TMCC1: variants seen among roughly 807,000 people sequenced by gnomAD.
The protein encoded by TMCC1 is transmembrane and coiled-coil domain family 1, also known as transmembrane and coiled-coil domains protein 1.
A neutral mutation model predicts 52.4 loss-of-function variants in TMCC1; 15 were observed. The ratio of observed to expected loss-of-function variants is 0.29; its 90% CI spans 0.19 to 0.44. TMCC1 has a LOEUF of 0.44. TMCC1 is among the 20% of genes least tolerant of loss of function. The pLI, the probability that TMCC1 is intolerant of heterozygous loss-of-function variation, is 1.00. For synonymous variants in TMCC1, 279 were observed against 301.9 expected, an observed-to-expected ratio of 0.92 and a Z score of 0.79; for missense variants, 503 against 806.0, an observed-to-expected ratio of 0.62 and a Z score of 4.55.
chr3:129,773,086 T>A (rs1391531000), intron 4 of TMCC1, among the ~76,000 whole-genome samples: 1 of 152,100 alleles, frequency 6.6e-6, no homozygotes, highest in Non-Finnish European at 1.5e-5. Flanking sequence ...ATAGTATTTG[T>A]AAACATAAAA....
chr3:129,872,051 A>G (rs143261165), intron 2 of TMCC1, among the ~76,000 whole-genome samples: 179 of 152,344 alleles, frequency 1.2e-3, no homozygotes, highest in African/African-American at 3.7e-3. Context: ...AATTTTGAAA[A>G]TATCTGTTAA....
chr3:129,668,824 C>T (rs1182451105), intron 5 of TMCC1, among the ~76,000 whole-genome samples: 2 of 152,120 alleles, frequency 1.3e-5, no homozygotes, highest in African/African-American at 4.8e-5. Context: ...AAGGTTTCTC[C>T]ATGTTGGTCA....
At chr3:129,660,592 C>T (rs1230411936) in intron 5 of TMCC1, among the ~76,000 whole-genome samples, 1 of 152,204 alleles carries the variant, frequency 6.6e-6, no homozygotes, top group Non-Finnish European at 1.5e-5. Context: ...CTCCTCAATC[C>T]TAGATACAAG....
chr3:129,694,185 TCCTAA>T (rs1320142944), intron 4 of TMCC1, among the ~76,000 whole-genome samples: 1 of 152,206 alleles, frequency 6.6e-6, no homozygotes, highest in African/African-American at 2.4e-5. Context: ...AGGTGTATTT[TCCTAA>T]CCTTAGTATA....
intron 4 of TMCC1, among the ~76,000 whole-genome samples, chr3:129,714,397 T>C (rs142944931): frequency 2.3e-3 from 357 of 152,308 alleles, no homozygotes; most frequent in African/African-American, 8.2e-3. Context: ...AACTTTTGTA[T>C]TTTGATTAAT....
intron 4 of TMCC1, chr3:129,794,259 A>G (rs2056663775): frequency 4.4e-6 from 2 of 455,080 alleles, no homozygotes; most frequent in Middle Eastern, 3.3e-4. Context: ...GTTCCAGAGA[A>G]AAAGGAACCA....
At chr3:129,729,201 C>T (rs1055181722) in intron 4 of TMCC1, among the ~76,000 whole-genome samples, 1 of 151,708 alleles carries the variant, frequency 6.6e-6, no homozygotes, top group Admixed American at 6.6e-5. Flanking sequence ...ATGAGAGTTC[C>T]AATTGTTCTC....
intron 2 of TMCC1, among the ~76,000 whole-genome samples, chr3:129,845,521 G>T (rs537291163): frequency 6.6e-6 from 1 of 151,942 alleles, no homozygotes; most frequent in South Asian, 2.1e-4. Flanking sequence ...AATGCTTTTT[G>T]AAATAAAGAT....
Position 129,849,443 on chromosome 3 carries a change from C to T in TMCC1, c.-183-16617G>A, listed in dbSNP as rs560009198. 2.0e-5 allele frequency among the ~76,000 whole-genome samples: 3 copies of T among 149,692 alleles called. No homozygotes were observed. In the South Asian group the frequency reaches 6.4e-4, roughly 32 times the overall value. ...TGCCACTGCACTCCAACCTGGGCAACAGAGCGAGACTCCATCTCAAAAAAA... is the reference window on the plus strand; with the variant it reads ...TGCCACTGCACTCCAACCTGGGCAATAGAGCGAGACTCCATCTCAAAAAAA... On this transcript the variant is annotated intron_variant, in intron 2 of 6. Transcript: ENST00000393238.
At chr3:129,654,740 T>C (rs558748726) in intron 6 of TMCC1, among the ~76,000 whole-genome samples, 1 of 152,328 alleles carries the variant, frequency 6.6e-6, no homozygotes, top group South Asian at 2.1e-4. Context: ...CTGAGATTAC[T>C]GTGATCCTAA....
At chr3:129,879,927 A>G (rs2061387199) in intron 2 of TMCC1, among the ~76,000 whole-genome samples, 1 of 152,162 alleles carries the variant, frequency 6.6e-6, no homozygotes, top group African/African-American at 2.4e-5. Context: ...TAATCCCAGC[A>G]CTTTGGGAAG....
rs2086264656 is a variant in TMCC1, at chr3:129,650,601, C to G, written c.*880G>C. 6.6e-6 allele frequency: 1 copy of G among 152,484 alleles called. No individual in the cohort carries two copies. The highest frequency in any genetic ancestry group is 1.9e-4 in the East Asian group (1 of 5,196). The allele number at this position is 152,484 out of a possible 1,614,324, so 9.4% of individuals were successfully genotyped here. On this transcript the variant is annotated 3_prime_UTR_variant, in exon 7 of 7. Transcript: ENST00000393238. ...TATTTCAAAGGAAAAATAAAAGACC[C>G]TCCCAACCCTGTCCAAAAAAACCCA...
rs1330756362 is a variant in TMCC1, at chr3:129,676,702, TAAG to T, written c.577-5441_577-5439del. ...GGCAATGTGGTGGAAAGGGCAAGAA[TAAG>T]AAGACCTAGGTTCAAACCTAGCTTT... On this transcript the variant is annotated intron_variant, in intron 4 of 6. Coordinates refer to ENST00000393238, the MANE Select transcript of TMCC1 (RefSeq NM_001017395.5). Among the ~76,000 whole-genome samples, 3 of 152,302 alleles carry T rather than the reference TAAG, an allele frequency of 2.0e-5. No individual in the cohort carries two copies. In the East Asian group the frequency reaches 5.8e-4, roughly 29 times the overall value.
At chr3:129,819,777 G>C (rs544646731) in intron 4 of TMCC1, 1 of 152,142 alleles carries the variant, frequency 6.6e-6, no homozygotes, top group East Asian at 1.9e-4. Context: ...GAATAACCCG[G>C]GGCTTGCTTC....
At chr3:129,810,054 C>A (rs1390320983) in intron 4 of TMCC1, among the ~76,000 whole-genome samples, 2 of 152,120 alleles carry the variant, frequency 1.3e-5, no homozygotes, top group Non-Finnish European at 2.9e-5. Flanking sequence ...GATACTGATA[C>A]AGAACTATGA....
In TMCC1 at chr3:129,778,680, G is replaced by GGC. The variant is rs550622323; in HGVS notation, c.576+49122_576+49123insGC. Among the ~76,000 whole-genome samples, 11 of 150,544 alleles carry GGC rather than the reference G, an allele frequency of 7.3e-5. 1 individual carries two copies. The South Asian group carries it at 2.2e-3, about 30-fold the overall frequency. ...GAAGGTGATTAGATCATGGTGGGGGGGGGGCAGTCTCCCCATGCTGTTCTC... is the reference window on the plus strand; with the variant it reads ...GAAGGTGATTAGATCATGGTGGGGGGGCGGGGCAGTCTCCCCATGCTGTTCTC... On this transcript the variant is annotated intron_variant, in intron 4 of 6. Coordinates refer to ENST00000393238, the MANE Select transcript of TMCC1 (RefSeq NM_001017395.5).
At chr3:129,822,384 G>A (rs1334402426) in intron 4 of TMCC1, among the ~76,000 whole-genome samples, 1 of 152,122 alleles carries the variant, frequency 6.6e-6, no homozygotes, top group Non-Finnish European at 1.5e-5. Context: ...AGGATGCAAT[G>A]AGCCATGATT....
chr3:129,814,146 G>A (rs1309921356), intron 4 of TMCC1, among the ~76,000 whole-genome samples: 1 of 152,062 alleles, frequency 6.6e-6, no homozygotes, highest in Non-Finnish European at 1.5e-5. Context: ...AAGACATTAG[G>A]AGAAGACCTG....
intron 4 of TMCC1, chr3:129,819,643 C>G (rs1464719426): frequency 6.6e-6 from 1 of 152,168 alleles, no homozygotes; most frequent in African/African-American, 2.4e-5. Flanking sequence ...CTATTCACTA[C>G]TGTAATCAGA....
Sources: gnomAD v4.1 joint callset for allele counts (sites outside exome capture counted in the v4.1 genomes callset) on GRCh38, gnomAD v4.1.1 for gene constraint, MANE v1.5 for transcripts, NCBI Gene and HGNC (gene_info 2026-07-23, HGNC 2026-07-21) for gene names.